ERCC6: variants seen among roughly 807,000 people sequenced by gnomAD.
ERCC6 encodes DNA excision repair protein ERCC-6.
A neutral mutation model predicts 158.7 loss-of-function variants in ERCC6; 116 were observed. That is an observed-to-expected ratio of 0.73 (90% CI 0.63 to 0.85). ERCC6 has a LOEUF of 0.85. Among genes scored for constraint, ERCC6 ranks in the 40% least tolerant of loss-of-function variants. ERCC6 has a pLI of 0.00. For synonymous variants in ERCC6, 678 were observed against 659.3 expected (o/e 1.03, Z -0.43); for missense variants, 1,698 against 1,799.4 (o/e 0.94, Z 1.02).
At chr10:49,519,369 T>C (rs1837084405) in intron 5 of ERCC6, among the ~76,000 whole-genome samples, 1 of 152,186 alleles carries the variant, frequency 6.6e-6, no homozygotes, top group Non-Finnish European at 1.5e-5. Context: ...AACCAAAGAC[T>C]GGAATGACAT....
chr10:49,519,894 T>A lies in ERCC6; in HGVS notation c.1397+4139A>T, dbSNP rs543825951. 1.2e-4 allele frequency among the ~76,000 whole-genome samples: 18 copies of A among 152,306 alleles called. No homozygotes were observed. In the East Asian group the frequency reaches 3.3e-3, roughly 28 times the overall value. ...GTGCAGTGCCCAGCTCCTCCCACTCTGCACCTGCTGCCTCAGACTCCCCAC... is the reference window on the plus strand; with the variant it reads ...GTGCAGTGCCCAGCTCCTCCCACTCAGCACCTGCTGCCTCAGACTCCCCAC... On this transcript the variant is annotated intron_variant, in intron 5 of 20. Coordinates refer to ENST00000355832, the MANE Select transcript of ERCC6 (RefSeq NM_000124.4).
intron 5 of ERCC6, among the ~76,000 whole-genome samples, chr10:49,512,402 C>T (rs1368307395): frequency 1.3e-5 from 2 of 152,192 alleles, no homozygotes; most frequent in Non-Finnish European, 2.9e-5. Context: ...CACGGTTTGT[C>T]CCCTAGACAG....
At chr10:49,504,145 A>G (rs1029537878) in intron 6 of ERCC6, 22 of 152,170 alleles carry the variant, frequency 1.4e-4, no homozygotes, top group African/African-American at 4.6e-4. Context: ...GTAAAAAAAT[A>G]TATCTACAGT....
intron 10 of ERCC6, among the ~76,000 whole-genome samples, chr10:49,482,473 C>T (rs528950816): frequency 5.2e-4 from 79 of 151,818 alleles, no homozygotes; most frequent in African/African-American, 1.7e-3. Context: ...TAGGGCTTTC[C>T]TCTCTGTGAA....
intron 5 of ERCC6, among the ~76,000 whole-genome samples, chr10:49,522,816 C>T (rs1398828266): frequency 1.3e-5 from 2 of 152,286 alleles, no homozygotes; most frequent in South Asian, 2.1e-4. Flanking sequence ...AGGTAATAAA[C>T]GTGCACAGAA....
At chr10:49,461,648 A>C in intron 18 of ERCC6, 92 bp from the exon 19 acceptor site, 1 of 1,259,844 alleles carries the variant, frequency 7.9e-7, no homozygotes, top group Non-Finnish European at 1.1e-6. Flanking sequence ...TGTAGTAGAC[A>C]AAAACAAAGT....
chr10:49,448,014 AT>A, the ERCC6 span, among the ~76,000 whole-genome samples: 1 of 152,186 alleles, frequency 6.6e-6, no homozygotes, highest in Admixed American at 6.5e-5. Flanking sequence ...ACATACAAGT[AT>A]TTGTTTGAGC....
chr10:49,470,620 C>T lies in ERCC6; in HGVS notation c.3340G>A (p.Val1114Ile), dbSNP rs755171192. The T allele has an allele frequency of 1.2e-6, 2 of 1,613,566 alleles. No individual in the cohort carries two copies. Among genetic ancestry groups the T allele is most frequent in the Non-Finnish European group, 1.7e-6 (2 of 1,179,612 alleles). ...ACTGACAACTCTTCTGGTCCAGATA[C>T]TGCATTTGTCTCTTCTCCAAGCCTA... ...NDRLGEETNA[V>I]SGPEELSVIS... is the part of the protein sequence containing the mutation. The change falls in exon 18 of 21, where the codon GTA (valine) becomes ATA (isoleucine). Residue 1114 changes from valine to isoleucine, a missense_variant. By Grantham distance (29) the Val-to-Ile change is conservative (BLOSUM62 3). Transcript: ENST00000355832.
chr10:49,478,299 G>T, intron 11 of ERCC6, 55 bp downstream of exon 11: 2 of 1,165,828 alleles, frequency 1.7e-6, no homozygotes, highest in South Asian at 1.2e-5. Context: ...TCAGAGTGAA[G>T]GGAAAGACAC....
intron 10 of ERCC6, among the ~76,000 whole-genome samples, chr10:49,478,809 T>G (rs769766942): frequency 1.7e-4 from 26 of 152,330 alleles, no homozygotes; most frequent in Admixed American, 6.5e-4. Context: ...ACTTACTGGG[T>G]TCTTGACCAC....
rs1365187961 is a variant in ERCC6 at position 49,483,383 on chromosome 10, C to T, written c.1955G>A (p.Arg652Gln). ...AAGGGTGACAGCAGCATTTGGATTT[C>T]GAATTTTGTGTCCTTCGTCCAAGAT... is the stretch of plus-strand genomic sequence containing the variant. ...YVILDEGHKI[R>Q]NPNAAVTLAC... Residue 652 changes from arginine to glutamine, a missense_variant, in exon 9 of 21, where the codon CGA becomes CAA. Arg to Gln is a conservative substitution (Grantham distance 43). Coordinates refer to ENST00000355832, the MANE Select transcript of ERCC6 (RefSeq NM_000124.4). 7.4e-6 allele frequency: 12 copies of T among 1,614,038 alleles called. 1 individual carries two copies. Among genetic ancestry groups the T allele is most frequent in the South Asian group, 2.2e-5 (2 of 91,084 alleles).
At position 49,492,870 on chromosome 10, in the gene ERCC6, C is replaced by T. The variant is rs182078746; in HGVS notation, c.1821+247G>A. Among the ~76,000 whole-genome samples, 148 of 152,232 alleles carry T rather than the reference C, an allele frequency of 9.7e-4. 1 individual carries two copies. Among genetic ancestry groups the T allele is most frequent in the Non-Finnish European group, 1.9e-4 (13 of 68,016 alleles). On this transcript the variant is annotated intron_variant, in intron 8 of 20. Transcript: ENST00000355832. ...GGCTTGTGCCCTGTCTGAGATGATT[C>T]GTATTTTACTGGACAACAGACATTG...
At chr10:49,448,363 T>C in the ERCC6 span, among the ~76,000 whole-genome samples, 1 of 152,214 alleles carries the variant, frequency 6.6e-6, no homozygotes, top group Non-Finnish European at 1.5e-5. Context: ...ATTCAGATTC[T>C]TCAAGCATTT....
At chr10:49,462,076 C>T (rs1477612342) in intron 18 of ERCC6, among the ~76,000 whole-genome samples, 1 of 152,068 alleles carries the variant, frequency 6.6e-6, no homozygotes, top group Admixed American at 6.6e-5. Flanking sequence ...AACAATAAAC[C>T]TTCATGAACA....
chr10:49,526,115 TTTTATATATATATA>T lies in ERCC6; in HGVS notation c.653-1352_653-1339del, dbSNP rs1169135693. Among the ~76,000 whole-genome samples, 345 of 105,416 alleles carry T rather than the reference TTTTATATATATATA, an allele frequency of 3.3e-3. 11 individuals are homozygous for T. The highest frequency in any genetic ancestry group is 0.014 in the Middle Eastern group (3 of 212). 69.2% of individuals were successfully genotyped at this position (105,416 alleles called of 152,430 possible). A position where few individuals can be genotyped will look rare whatever the true frequency, so the allele number is the denominator to read the frequency against. On this transcript the variant is annotated intron_variant, in intron 4 of 20. Transcript: ENST00000355832. ...TTTATATATTTATATATTTATATAT[TTTTATATATATATA>T]TATATATATATATATATATATATAT... is the stretch of plus-strand genomic sequence containing the variant.
intron 18 of ERCC6, among the ~76,000 whole-genome samples, chr10:49,462,903 C>G (rs773111961): frequency 7.2e-5 from 11 of 152,164 alleles, no homozygotes; most frequent in Non-Finnish European, 1.5e-4. Flanking sequence ...GGGCATTATT[C>G]AAACAAACAA....
chr10:49,489,765 A>G (rs190855816), intron 8 of ERCC6, among the ~76,000 whole-genome samples: 118 of 152,370 alleles, frequency 7.7e-4, no homozygotes, highest in African/African-American at 2.6e-3. Context: ...ATCATTAAAT[A>G]AACTTTACAA....
At chr10:49,443,360 T>C in the ERCC6 span, among the ~76,000 whole-genome samples, 1 of 152,218 alleles carries the variant, frequency 6.6e-6, no homozygotes, top group African/African-American at 2.4e-5. Context: ...TATTTAGATA[T>C]ATACAATCAT....
the ERCC6 span, among the ~76,000 whole-genome samples, chr10:49,442,437 G>T: frequency 1.3e-5 from 2 of 152,154 alleles, no homozygotes; most frequent in Non-Finnish European, 2.9e-5. Context: ...TCAAACCAAG[G>T]CACAAAGCTA....
Sources: allele counts gnomAD v4.1 joint callset (sites outside exome capture counted in the v4.1 genomes callset), GRCh38; gene constraint gnomAD v4.1.1; transcripts MANE v1.5; gene names NCBI Gene and HGNC (gene_info 2026-07-23, HGNC 2026-07-21).